Variants in UNC13A observed in about 807,000 individuals in gnomAD.
UNC13A encodes protein unc-13 homolog A.
UNC13A carries 61 observed loss-of-function variants against 219.7 expected under a neutral mutation model. That is an observed-to-expected ratio of 0.28 (90% confidence interval 0.23 to 0.34). The LOEUF (loss-of-function observed/expected upper bound fraction) is 0.34, where lower values mean the gene tolerates loss of function less well. UNC13A is among the 10% of genes least tolerant of loss of function. The pLI, the probability that UNC13A is intolerant of heterozygous loss-of-function variation, is 1.00. For missense variants in UNC13A, 1,476 were observed against 2,270.3 expected (o/e 0.65, Z 7.11); for synonymous variants, 920 against 884.6 (o/e 1.04, Z -0.71).
At chr19:17,669,791 TCCC>T (rs2079742853) in intron 4 of UNC13A, 115 bp from the exon 5 acceptor site, 8 of 1,271,072 alleles carry the variant, frequency 6.3e-6, no homozygotes, top group Admixed American at 5.3e-5. Flanking sequence ...CAAAGTCATG[TCCC>T]CTCTCTATCT....
chr19:17,679,949 C>T (rs2079975062), intron 1 of UNC13A, among the ~76,000 whole-genome samples: 1 of 152,196 alleles, frequency 6.6e-6, no homozygotes, highest in South Asian at 2.1e-4. Context: ...CCTCTGATAG[C>T]TGAAGCCAGG....
In UNC13A at chr19:17,632,796, C is replaced by G; in HGVS notation, c.3414G>C (p.Val1138=). ...VTELPAFKDR[V]PEYPAWFEPF... The stretch of plus-strand genomic sequence containing the variant: ...AGGGGACTTACGCAGGGTACTCAGG[C>G]ACGCGGTCCTTGAAGGCGGGAAGTT... The change falls in exon 28 of 44, where the codon GTG becomes GTC. Residue 1138 remains valine (V), a synonymous_variant. Coordinates refer to ENST00000519716, the MANE Select transcript of UNC13A (RefSeq NM_001080421.3). The G allele has an allele frequency of 6.2e-7, 1 of 1,613,902 alleles. No individual in the cohort carries two copies. The highest frequency in any genetic ancestry group is 8.5e-7 in the Non-Finnish European group (1 of 1,179,890).
At position 17,605,939 on chromosome 19, in the gene UNC13A, G is replaced by T; in HGVS notation, c.*115C>A. The T allele has an allele frequency of 1.0e-6, 1 of 998,230 alleles. No homozygotes were observed. The highest frequency in any genetic ancestry group is 1.3e-6 in the Non-Finnish European group (1 of 742,002). The allele number at this position is 998,230 out of a possible 1,614,324, so 61.8% of individuals were successfully genotyped here. ...AAGGGCGTAGGCGCAGCCCACCCTT[G>T]GCGTGGAGCCCCCCGAGCCCCGCCC... On this transcript the variant is annotated 3_prime_UTR_variant, in exon 44 of 44. Coordinates refer to ENST00000519716, the MANE Select transcript of UNC13A (RefSeq NM_001080421.3).
intron 39 of UNC13A, 59 bp from the exon 40 acceptor site, chr19:17,618,560 G>T: frequency 6.7e-7 from 1 of 1,502,130 alleles, no homozygotes; most frequent in Non-Finnish European, 9.1e-7. Context: ...TGGAATCTGT[G>T]TCTATGGGTC....
chr19:17,634,449 G>A (rs146317531), intron 26 of UNC13A, among the ~76,000 whole-genome samples: 2,044 of 150,278 alleles, frequency 0.014, 22 homozygotes, highest in Non-Finnish European at 0.021. Flanking sequence ...AATGATTCTC[G>A]TGCCTCAGCC....
chr19:17,667,938 C>T (rs1443572674), intron 6 of UNC13A, among the ~76,000 whole-genome samples, 179 bp downstream of exon 6: 2 of 151,912 alleles, frequency 1.3e-5, no homozygotes. Flanking sequence ...GTTTCTTGAC[C>T]CCATCATTGT....
intron 34 of UNC13A, among the ~76,000 whole-genome samples, chr19:17,625,366 G>A (rs958580884): frequency 6.6e-6 from 1 of 152,154 alleles, no homozygotes; most frequent in Non-Finnish European, 1.5e-5. Context: ...GGAATGGTCA[G>A]AGGAGGGCAG....
chr19:17,668,149 C>G lies in UNC13A; in HGVS notation c.436G>C (p.Glu146Gln). The G allele has an allele frequency of 6.2e-7, 1 of 1,613,888 alleles. No homozygotes were observed. Among genetic ancestry groups the G allele is most frequent in the Non-Finnish European group, 8.5e-7 (1 of 1,179,820 alleles). Reference sequence around the variant, plus strand: ...TGGTCCCGCATAGCATTGAGCTGCTCCAGCTTCTTGGCCCAGTAGCGAGCC... The same window carrying G: ...TGGTCCCGCATAGCATTGAGCTGCTGCAGCTTCTTGGCCCAGTAGCGAGCC... ...EEARYWAKKL[E>Q]QLNAMRDQDE... The change falls in exon 6 of 44, where the codon GAG becomes CAG. Residue 146 changes from glutamate to glutamine, a missense_variant. Physicochemically the swap from Glu to Gln is conservative, Grantham distance 29. Coordinates refer to ENST00000519716, the MANE Select transcript of UNC13A (RefSeq NM_001080421.3).
chr19:17,632,522 A>G (rs2076867352), intron 28 of UNC13A, among the ~76,000 whole-genome samples: 1 of 152,258 alleles, frequency 6.6e-6, no homozygotes, highest in Non-Finnish European at 1.5e-5. Flanking sequence ...ATAGGAATTA[A>G]AATGATCCCA....
At chr19:17,647,930 C>A (rs1441029664) in intron 16 of UNC13A, among the ~76,000 whole-genome samples, 2 of 148,102 alleles carry the variant, frequency 1.4e-5, no homozygotes, top group Admixed American at 6.8e-5. Context: ...TCCACCCCTG[C>A]GAGTCCCCTC....
At chr19:17,666,122 TTTTC>T (rs945553328) in intron 7 of UNC13A, among the ~76,000 whole-genome samples, 5 of 140,086 alleles carry the variant, frequency 3.6e-5, no homozygotes, top group African/African-American at 2.8e-5. Context: ...TTCTCTTTTC[TTTTC>T]TTTCTTTTTC....
At chr19:17,635,485 T>G (rs1231566940) in intron 26 of UNC13A, among the ~76,000 whole-genome samples, 1 of 152,078 alleles carries the variant, frequency 6.6e-6, no homozygotes, top group Non-Finnish European at 1.5e-5. Context: ...TACAGACATA[T>G]AAATCCACAA....
At chr19:17,606,534 G>A (rs2076532836) in intron 43 of UNC13A, among the ~76,000 whole-genome samples, 180 bp from the exon 44 acceptor site, 1 of 151,812 alleles carries the variant, frequency 6.6e-6, no homozygotes, top group Non-Finnish European at 1.5e-5. Flanking sequence ...GTGCTTGGCC[G>A]CGCCCACAGC....
In UNC13A at chr19:17,606,354, G is replaced by C. The variant is rs2076529531; in HGVS notation, c.4812C>G (p.Phe1604Leu). The change falls in exon 44 of 44, where the codon TTC (phenylalanine) becomes TTG (leucine). Residue 1604 changes from phenylalanine (F) to leucine (L), a missense_variant and splice_region_variant. This residue lies in a region of UNC13A where 187 missense variants were observed against 172.3 expected (regional missense o/e 1.09). Coordinates refer to ENST00000519716, the MANE Select transcript of UNC13A (RefSeq NM_001080421.3). ...WAPKYNESFQ[F>L]TLSADAGPEC... ...CGGGACCCGCGTCGGCGCTCAGCGT[G>C]CTGCGTGGGGAGGGGCGGAACGTGA... 1 of 1,543,208 alleles carries C rather than the reference G, an allele frequency of 6.5e-7. No individual in the cohort carries two copies. The highest frequency in any genetic ancestry group is 8.7e-7 in the Non-Finnish European group (1 of 1,146,786).
chr19:17,603,462 T>C lies in UNC13A; in HGVS notation c.*2592A>G, dbSNP rs1009370871. On this transcript the variant is annotated 3_prime_UTR_variant, in exon 44 of 44. Transcript: ENST00000519716. The stretch of plus-strand genomic sequence containing the variant: ...CATGTCATGGTTCGAAATTCACATC[T>C]GCTCCTCAGTCCATATAACAGTCAC... 2 of 152,302 alleles carry C rather than the reference T, an allele frequency of 1.3e-5. No homozygotes were observed. The highest frequency in any genetic ancestry group is 4.8e-5 in the African/African-American group (2 of 41,450). The allele number at this position is 152,302 out of a possible 1,614,324, so 9.4% of individuals were successfully genotyped here.
At chr19:17,666,585 G>T in intron 7 of UNC13A, 65 bp downstream of exon 7, 1 of 1,291,252 alleles carries the variant, frequency 7.7e-7, no homozygotes, top group Non-Finnish European at 1.0e-6. Flanking sequence ...AGACAGGACA[G>T]TCATGGGGTA....
Position 17,603,101 on chromosome 19 carries a change from A to G in UNC13A, c.*2953T>C, listed in dbSNP as rs2076483405. The G allele has an allele frequency of 6.6e-6, 1 of 152,230 alleles. No homozygotes were observed. Among genetic ancestry groups the G allele is most frequent in the Admixed American group, 6.5e-5 (1 of 15,276 alleles). 9.4% of individuals were successfully genotyped at this position (152,230 alleles called of 1,614,324 possible). On this transcript the variant is annotated 3_prime_UTR_variant, in exon 44 of 44. Transcript: ENST00000519716. ...AATAGGAGTTCTCTGGGGGAAAGAA[A>G]AGAGGGTGGAAATTGCAAAAACAGT...
In UNC13A at chr19:17,630,579, T is replaced by C. The variant is rs1434923646; in HGVS notation, c.3525+75A>G. On this transcript the variant is annotated intron_variant, in intron 29 of 43. Transcript: ENST00000519716. ...GGACACCTACCAGAGACTGGCCTCA[T>C]CTCAAGGGCAAATTTCCACCTAAAT... 2.0e-6 allele frequency: 3 copies of C among 1,514,228 alleles called. No homozygotes were observed. The East Asian group carries it at 6.8e-5, about 34-fold the overall frequency. The allele number at this position is 1,514,228 out of a possible 1,614,324, so 93.8% of individuals were successfully genotyped here.
Position 17,601,786 on chromosome 19 carries a change from A to G in UNC13A, c.*4268T>C, listed in dbSNP as rs1348031215. On this transcript the variant is annotated 3_prime_UTR_variant, in exon 44 of 44. Coordinates refer to ENST00000519716, the MANE Select transcript of UNC13A (RefSeq NM_001080421.3). The stretch of plus-strand genomic sequence containing the variant: ...GGGGTAAGGGGTGGGGTGTTACTTG[A>G]CACAGTCAACTTGATTTTTCTCTGA... The G allele has an allele frequency of 6.6e-6, 1 of 152,556 alleles. No individual in the cohort carries two copies. Among genetic ancestry groups the G allele is most frequent in the Non-Finnish European group, 1.5e-5 (1 of 68,008 alleles). The allele number at this position is 152,556 out of a possible 1,614,324, so 9.5% of individuals were successfully genotyped here. A position where few individuals can be genotyped will look rare whatever the true frequency, so the allele number is the denominator to read the frequency against.
Sources: allele counts gnomAD v4.1 joint callset (sites outside exome capture counted in the v4.1 genomes callset), GRCh38; gene constraint gnomAD v4.1.1; regional missense constraint gnomAD v4.1.1; transcripts MANE v1.5; gene names NCBI Gene and HGNC (gene_info 2026-07-23, HGNC 2026-07-21).